CNTNAP2: variants seen among roughly 807,000 people sequenced by gnomAD.
CNTNAP2 encodes contactin-associated protein-like 2.
CNTNAP2 carries 98 observed loss-of-function variants against 155.2 expected under a neutral mutation model. The observed-to-expected ratio is 0.63, with a 90% CI of 0.54 to 0.75. The LOEUF (loss-of-function observed/expected upper bound fraction) is 0.75, where lower values mean the gene tolerates loss of function less well. Ranked by LOEUF, CNTNAP2 falls within the 30% of genes least tolerant of loss-of-function variation. The pLI, the probability that CNTNAP2 is intolerant of heterozygous loss-of-function variation, is 0.00. For synonymous variants in CNTNAP2, 651 were observed against 631.2 expected (o/e 1.03, Z -0.47); for missense variants, 1,727 against 1,688.1 (o/e 1.02, Z -0.40).
chr7:147,961,011 G>C (rs1253962153), intron 14 of CNTNAP2, among the ~76,000 whole-genome samples: 4 of 152,118 alleles, frequency 2.6e-5, no homozygotes, highest in Non-Finnish European at 5.9e-5. Flanking sequence ...ATTGCATATA[G>C]ATTAGAGAAG....
At chr7:147,589,975 T>C (rs558938085) in intron 12 of CNTNAP2, among the ~76,000 whole-genome samples, 3 of 152,302 alleles carry the variant, frequency 2.0e-5, no homozygotes, top group South Asian at 4.1e-4. Context: ...TCATTATTGT[T>C]GGCTCTATGG....
At chr7:147,969,862 TATTTTTTTA>T (rs924326302) in intron 14 of CNTNAP2, among the ~76,000 whole-genome samples, 13 of 152,162 alleles carry the variant, frequency 8.5e-5, no homozygotes, top group Non-Finnish European at 1.5e-4. Flanking sequence ...AAAGTCTGTC[TATTTTTTTA>T]AGTTGTTTTA....
chr7:147,585,373 G>A (rs931421809), intron 12 of CNTNAP2, among the ~76,000 whole-genome samples: 1 of 149,868 alleles, frequency 6.7e-6, no homozygotes, highest in Non-Finnish European at 1.5e-5. Context: ...AATAACTGGT[G>A]AGTTATATAT....
chr7:147,292,139 G>A (rs1402058822), intron 8 of CNTNAP2, among the ~76,000 whole-genome samples: 3 of 152,084 alleles, frequency 2.0e-5, no homozygotes, highest in African/African-American at 7.2e-5. Context: ...GGAAACCTCT[G>A]TTAGCCCCCA....
intron 1 of CNTNAP2, among the ~76,000 whole-genome samples, chr7:146,222,782 A>G (rs975479394): frequency 6.6e-6 from 1 of 151,552 alleles, no homozygotes; most frequent in East Asian, 1.9e-4. Context: ...CAGCCTCCCA[A>G]GTAGCTGGGA....
intron 13 of CNTNAP2, among the ~76,000 whole-genome samples, chr7:147,655,717 G>A (rs1485026839): frequency 1.3e-5 from 2 of 152,216 alleles, no homozygotes; most frequent in African/African-American, 2.4e-5. Context: ...AGGCAGTGTA[G>A]AGTTAACAGA....
chr7:147,527,320 G>A (rs566637229), intron 11 of CNTNAP2, among the ~76,000 whole-genome samples: 1 of 152,150 alleles, frequency 6.6e-6, no homozygotes, highest in Non-Finnish European at 1.5e-5. Context: ...ACTGTGCCCG[G>A]CCAAGACAGG....
At chr7:146,875,050 A>G (rs1035326180) in intron 3 of CNTNAP2, among the ~76,000 whole-genome samples, 1 of 152,160 alleles carries the variant, frequency 6.6e-6, no homozygotes, top group Non-Finnish European at 1.5e-5. Flanking sequence ...TCATTATTCA[A>G]TTTACATTTA....
At chr7:146,798,806 G>A (rs1453713876) in intron 2 of CNTNAP2, among the ~76,000 whole-genome samples, 3 of 152,006 alleles carry the variant, frequency 2.0e-5, no homozygotes, top group Admixed American at 6.6e-5. Flanking sequence ...TATCCTCATG[G>A]AGATTCTAGC....
rs200796835 is a variant in CNTNAP2, at chr7:146,483,282, AATATAT to A, written c.98-290947_98-290942del. ...CAGAGCAAGACTCCGTCTAAAAAAA[AATATAT>A]ATATATATATATATATATATATATA... On this transcript the variant is annotated intron_variant, in intron 1 of 23. Transcript: ENST00000361727. 9.2e-3 allele frequency among the ~76,000 whole-genome samples: 368 copies of A among 39,810 alleles called. 3 individuals are homozygous for A. Among genetic ancestry groups the A allele is most frequent in the African/African-American group, 0.015 (167 of 11,200 alleles). The allele number at this position is 39,810 out of a possible 152,430, so 26.1% of individuals were successfully genotyped here. A position where few individuals can be genotyped will look rare whatever the true frequency, so the allele number is the denominator to read the frequency against.
At chr7:146,196,866 A>G (rs150008322) in intron 1 of CNTNAP2, among the ~76,000 whole-genome samples, 6 of 152,174 alleles carry the variant, frequency 3.9e-5, no homozygotes, top group African/African-American at 7.2e-5. Context: ...TACTTTGTGC[A>G]CTCCTAGTAC....
At chr7:148,408,254 T>G (rs10241620) in intron 22 of CNTNAP2, among the ~76,000 whole-genome samples, 3 of 151,786 alleles carry the variant, frequency 2.0e-5, no homozygotes, top group Non-Finnish European at 2.9e-5. Flanking sequence ...TTCCCCACAC[T>G]GCCCCCGCCC....
At chr7:146,874,206 T>C (rs1585132616) in intron 3 of CNTNAP2, among the ~76,000 whole-genome samples, 1 of 152,202 alleles carries the variant, frequency 6.6e-6, no homozygotes, top group East Asian at 1.9e-4. Context: ...AGCTGATGTT[T>C]AGGAAAAGTT....
chr7:146,446,837 A>G (rs1287865267), intron 1 of CNTNAP2, among the ~76,000 whole-genome samples: 1 of 151,994 alleles, frequency 6.6e-6, no homozygotes, highest in Non-Finnish European at 1.5e-5. Context: ...TTATTGTTCT[A>G]TATTCTATAA....
intron 1 of CNTNAP2, among the ~76,000 whole-genome samples, chr7:146,324,861 A>G (rs111728120): frequency 9.2e-4 from 140 of 152,288 alleles, no homozygotes; most frequent in African/African-American, 3.0e-3. Context: ...ATATAGGAAT[A>G]TGCAATTTTA....
chr7:147,937,799 G>A (rs117834366), intron 14 of CNTNAP2, among the ~76,000 whole-genome samples: 1,881 of 152,152 alleles, frequency 0.012, 18 homozygotes, highest in South Asian at 0.033. Flanking sequence ...TTTTTTTCAG[G>A]ACTTAGAGAT....
chr7:147,303,649 T>C (rs1033072817), intron 9 of CNTNAP2, among the ~76,000 whole-genome samples: 3 of 152,246 alleles, frequency 2.0e-5, no homozygotes, highest in Non-Finnish European at 4.4e-5. Context: ...AATATGGCTT[T>C]ATCACTTAAT....
intron 1 of CNTNAP2, among the ~76,000 whole-genome samples, chr7:146,351,260 GA>G (rs1027284257): frequency 5.9e-5 from 9 of 151,700 alleles, no homozygotes; most frequent in African/African-American, 1.5e-4. Flanking sequence ...AAGTTTACTT[GA>G]AAAAAAAGTT....
chr7:146,654,541 T>A (rs2129164579), intron 1 of CNTNAP2, among the ~76,000 whole-genome samples: 1 of 152,276 alleles, frequency 6.6e-6, no homozygotes, highest in South Asian at 2.1e-4. Flanking sequence ...TTAAGAATAA[T>A]ATTATTTGTA....
Sources: gnomAD v4.1 joint callset for allele counts (sites outside exome capture counted in the v4.1 genomes callset) on GRCh38, gnomAD v4.1.1 for gene constraint, MANE v1.5 for transcripts, NCBI Gene and HGNC (gene_info 2026-07-23, HGNC 2026-07-21) for gene names.